Variants in RBFOX1 observed in about 807,000 individuals in gnomAD.
RBFOX1 encodes RNA binding fox-1 homolog 1.
Under a neutral mutation model 57.7 loss-of-function variants are expected in RBFOX1, and 8 were observed. That is an observed-to-expected ratio of 0.14 (90% confidence interval 0.08 to 0.25). RBFOX1 has a LOEUF of 0.25. Among genes scored for constraint, RBFOX1 ranks in the 10% least tolerant of loss-of-function variants. RBFOX1 has a pLI of 1.00. For synonymous variants in RBFOX1, 326 were observed against 222.4 expected (o/e 1.47, Z -4.15); for missense variants, 611 against 548.5 (o/e 1.11, Z -1.14).
At position 6,857,446 on chromosome 16, in the gene RBFOX1, A is replaced by AT. The variant is rs1238144012; in HGVS notation, c.-15-194606dup. Among the ~76,000 whole-genome samples, 3 of 152,232 alleles carry AT rather than the reference A, an allele frequency of 2.0e-5. No individual in the cohort carries two copies. In the East Asian group the frequency reaches 5.8e-4, roughly 29 times the overall value. ...GTACGCCAGCTGAAAGAGTTAAGCCATTTTTCTATTTACATGGTTTATTTC... is the reference window on the plus strand; with the variant it reads ...GTACGCCAGCTGAAAGAGTTAAGCCATTTTTTCTATTTACATGGTTTATTTC... On this transcript the variant is annotated intron_variant, in intron 3 of 15. Transcript: ENST00000550418.
chr16:5,575,673 T>A (rs546233618), intron 2 of RBFOX1, among the ~76,000 whole-genome samples: 19 of 152,180 alleles, frequency 1.2e-4, no homozygotes, highest in African/African-American at 4.3e-4. Context: ...TTGTGTGGAG[T>A]GTGGACCTAA....
At chr16:7,672,728 G>A (rs3785206) in intron 13 of RBFOX1, among the ~76,000 whole-genome samples, 14,607 of 151,706 alleles carry the variant, frequency 0.096, 1,024 homozygotes, top group East Asian at 0.35. Context: ...TTAGCCAGGC[G>A]TGGTGGCACA....
intron 9 of RBFOX1, among the ~76,000 whole-genome samples, chr16:7,604,110 A>G (rs1222972987): frequency 6.6e-6 from 1 of 152,192 alleles, no homozygotes; most frequent in African/African-American, 2.4e-5. Context: ...GAGAAGAATC[A>G]AGGAAGTGTT....
At chr16:6,804,462 C>T (rs368004615) in intron 3 of RBFOX1, among the ~76,000 whole-genome samples, 12 of 152,106 alleles carry the variant, frequency 7.9e-5, no homozygotes, top group East Asian at 3.8e-4. Flanking sequence ...GGATGGTACA[C>T]GCCCTCCAAT....
At chr16:7,616,304 G>GT (rs2058433664) in intron 10 of RBFOX1, among the ~76,000 whole-genome samples, 1 of 152,220 alleles carries the variant, frequency 6.6e-6, no homozygotes, top group East Asian at 1.9e-4. Flanking sequence ...CAGTCACACA[G>GT]ATGTGCTTAA....
rs537047370 is a variant in RBFOX1 at position 6,058,485 on chromosome 16, T to C, written c.-127+38493T>C. The stretch of plus-strand genomic sequence containing the variant: ...AAAGATACATCTTTATAAAAAGTTA[T>C]AACATTCTTGATGACATCGAAGCAT... On this transcript the variant is annotated intron_variant, in intron 1 of 15. Transcript: ENST00000550418. Among the ~76,000 whole-genome samples, 280 of 152,318 alleles carry C rather than the reference T, an allele frequency of 1.8e-3. 2 individuals carry two copies. The highest frequency in any genetic ancestry group is 2.6e-3 in the Non-Finnish European group (179 of 68,044).
chr16:6,482,628 A>T (rs1350510356), intron 2 of RBFOX1, among the ~76,000 whole-genome samples: 1 of 152,250 alleles, frequency 6.6e-6, no homozygotes, highest in East Asian at 1.9e-4. Context: ...ACCTCAGCGC[A>T]TTCTCATTTA....
intron 2 of RBFOX1, among the ~76,000 whole-genome samples, chr16:6,531,101 C>T (rs1468209949): frequency 6.6e-6 from 1 of 152,184 alleles, no homozygotes; most frequent in African/African-American, 2.4e-5. Context: ...GCATGAGTGA[C>T]AGTCAAGTCA....
intron 1 of RBFOX1, among the ~76,000 whole-genome samples, chr16:5,433,192 G>A (rs2067807264): frequency 6.6e-6 from 1 of 152,154 alleles, no homozygotes; most frequent in African/African-American, 2.4e-5. Flanking sequence ...TGAGGCCCAT[G>A]TTTTTCTTTG....
At chr16:7,309,053 C>A (rs1025855778) in intron 4 of RBFOX1, among the ~76,000 whole-genome samples, 2 of 152,188 alleles carry the variant, frequency 1.3e-5, no homozygotes, top group African/African-American at 4.8e-5. Context: ...AGATTAGCTT[C>A]ATGTCTGAAT....
chr16:6,951,050 C>A (rs2080645485), intron 3 of RBFOX1, among the ~76,000 whole-genome samples: 1 of 151,942 alleles, frequency 6.6e-6, no homozygotes, highest in African/African-American at 2.4e-5. Context: ...GGACTACAGG[C>A]ACGTATCACC....
intron 3 of RBFOX1, among the ~76,000 whole-genome samples, chr16:6,842,950 C>T (rs973289246): frequency 3.3e-5 from 5 of 152,070 alleles, no homozygotes; most frequent in African/African-American, 7.2e-5. Flanking sequence ...TGTTAGTTTG[C>T]TGAGAACGAT....
chr16:6,138,388 A>T (rs949803760), intron 1 of RBFOX1, among the ~76,000 whole-genome samples: 6 of 152,192 alleles, frequency 3.9e-5, no homozygotes, highest in Non-Finnish European at 8.8e-5. Flanking sequence ...GCTGAAGTCA[A>T]CGTGTCAGCC....
intron 3 of RBFOX1, among the ~76,000 whole-genome samples, chr16:5,747,963 T>C (rs1177602404): frequency 6.6e-6 from 1 of 152,168 alleles, no homozygotes; most frequent in South Asian, 2.1e-4. Context: ...TTAATTGTGA[T>C]GTTAGGGTGT....
intron 3 of RBFOX1, among the ~76,000 whole-genome samples, chr16:5,834,201 C>A (rs937761481): frequency 2.6e-5 from 4 of 152,162 alleles, no homozygotes; most frequent in African/African-American, 9.7e-5. Flanking sequence ...GAAGTCTGAG[C>A]TTTTAGTGTA....
At chr16:6,248,233 G>C (rs1431199347) in intron 1 of RBFOX1, among the ~76,000 whole-genome samples, 1 of 152,172 alleles carries the variant, frequency 6.6e-6, no homozygotes, top group Non-Finnish European at 1.5e-5. Flanking sequence ...TGGAGGCCTA[G>C]AATTAGAATG....
At chr16:6,605,114 C>G (rs1169488583) in intron 2 of RBFOX1, among the ~76,000 whole-genome samples, 1 of 152,100 alleles carries the variant, frequency 6.6e-6, no homozygotes, top group Non-Finnish European at 1.5e-5. Flanking sequence ...TGGTGCGCAC[C>G]TGTAGTCTCA....
chr16:7,263,464 G>A (rs1198371815), intron 4 of RBFOX1, among the ~76,000 whole-genome samples: 1 of 152,158 alleles, frequency 6.6e-6, no homozygotes, highest in Non-Finnish European at 1.5e-5. Context: ...GATCCCAGAA[G>A]AGACCAATTT....
chr16:7,350,311 G>C (rs1468928749), intron 4 of RBFOX1, among the ~76,000 whole-genome samples: 1 of 152,150 alleles, frequency 6.6e-6, no homozygotes, highest in Non-Finnish European at 1.5e-5. Context: ...CAAAAGTCCT[G>C]AGATGGAATG....
Sources: gnomAD v4.1 joint callset for allele counts (sites outside exome capture counted in the v4.1 genomes callset) on GRCh38, gnomAD v4.1.1 for gene constraint, MANE v1.5 for transcripts, NCBI Gene and HGNC (gene_info 2026-07-23, HGNC 2026-07-21) for gene names.